The following ARHGEF17 variants were observed in gnomAD, a reference collection of about 807,000 sequenced individuals.
ARHGEF17 encodes 164 kDa Rho-specific guanine-nucleotide exchange factor.
ARHGEF17 carries 80 observed loss-of-function variants against 174.0 expected under a neutral mutation model. The ratio of observed to expected loss-of-function variants is 0.46; its 90% CI spans 0.38 to 0.55. The LOEUF is 0.55. Among genes scored for constraint, ARHGEF17 ranks in the 20% least tolerant of loss-of-function variants. ARHGEF17 has a pLI of 0.00. For synonymous variants in ARHGEF17, 1,311 were observed against 1,189.1 expected, an observed-to-expected ratio of 1.10 and a Z score of -2.11; for missense variants, 2,886 against 2,839.7, an observed-to-expected ratio of 1.02 and a Z score of -0.37.
chr11:73,347,183 G>A (rs927411881), intron 2 of ARHGEF17: 1 of 653,226 alleles, frequency 1.5e-6, no homozygotes, highest in South Asian at 1.6e-5. Flanking sequence ...GCCACCCCAG[G>A]GCAGGCGTCC....
At chr11:73,332,363 G>C (rs991691047) in intron 1 of ARHGEF17, among the ~76,000 whole-genome samples, 2 of 69,770 alleles carry the variant, frequency 2.9e-5, no homozygotes, top group Non-Finnish European at 5.7e-5. Flanking sequence ...GTGTGTGTGT[G>C]TGTGTGTGTG....
At chr11:73,326,254 C>A (rs775510152) in intron 1 of ARHGEF17, among the ~76,000 whole-genome samples, 2 of 152,146 alleles carry the variant, frequency 1.3e-5, no homozygotes, top group Non-Finnish European at 2.9e-5. Context: ...CCTTGACAGG[C>A]AGAAATGAGC....
At chr11:73,327,680 G>A (rs1865124228) in intron 1 of ARHGEF17, among the ~76,000 whole-genome samples, 1 of 152,180 alleles carries the variant, frequency 6.6e-6, no homozygotes, top group Non-Finnish European at 1.5e-5. Flanking sequence ...CGATGGGTTG[G>A]AGGAACTACT....
At chr11:73,363,066 C>T in intron 14 of ARHGEF17, 140 bp from the exon 15 acceptor site, 5 of 1,212,436 alleles carry the variant, frequency 4.1e-6, no homozygotes, top group East Asian at 5.1e-5. Context: ...AGCAGGGCAG[C>T]AGACCGGAGC....
At chr11:73,336,206 A>G (rs770140840) in intron 1 of ARHGEF17, among the ~76,000 whole-genome samples, 1 of 152,184 alleles carries the variant, frequency 6.6e-6, no homozygotes, top group Non-Finnish European at 1.5e-5. Context: ...TCATAACCTC[A>G]GGCAAGTTGC....
chr11:73,347,040 T>C (rs1428432075), intron 2 of ARHGEF17, 80 bp downstream of exon 2: 4 of 1,368,432 alleles, frequency 2.9e-6, no homozygotes. Flanking sequence ...CAAACCCCTT[T>C]CATGGACAAG....
chr11:73,314,787 T>C (rs773046921), intron 1 of ARHGEF17, among the ~76,000 whole-genome samples: 2 of 151,786 alleles, frequency 1.3e-5, no homozygotes, highest in African/African-American at 2.4e-5. Context: ...CACTGTAGCC[T>C]GGTTGGTCAA....
chr11:73,313,593 A>T lies in ARHGEF17; in HGVS notation c.3192+1763A>T, dbSNP rs992437640. On this transcript the variant is annotated intron_variant, in intron 1 of 20. Transcript: ENST00000263674. ...TTTCTGGAGCTCTGAGGCGGGACAG[A>T]TCTGCCATAACATGGGCTTCTCCCT... Among the ~76,000 whole-genome samples, 37 of 152,070 alleles carry T rather than the reference A, an allele frequency of 2.4e-4. 1 individual carries two copies. The highest frequency in any genetic ancestry group is 8.0e-4 in the African/African-American group (33 of 41,400).
At chr11:73,363,177 A>G (rs752873311) in intron 14 of ARHGEF17, 29 bp from the exon 15 acceptor site, 21 of 1,506,174 alleles carry the variant, frequency 1.4e-5, no homozygotes, top group Non-Finnish European at 1.9e-5. Flanking sequence ...GCAGAGGGAA[A>G]TGGAGACAGA....
chr11:73,365,353 C>A lies in ARHGEF17; in HGVS notation c.5551-37C>A, dbSNP rs1344681146. Reference sequence around the variant, plus strand: ...GCTAGGGTGGGCCAAGGGAGGCAGGCCTGCCAATGACCCATCTTCTCCCCC... The same window carrying A: ...GCTAGGGTGGGCCAAGGGAGGCAGGACTGCCAATGACCCATCTTCTCCCCC... On this transcript the variant is annotated intron_variant, in intron 18 of 20. Transcript: ENST00000263674. This position sits in a 1 kb window ranked among gnomAD's most constrained non-coding sequence, Gnocchi z 4.9. The A allele has an allele frequency of 6.2e-7, 1 of 1,610,378 alleles. No individual in the cohort carries two copies. Among genetic ancestry groups the A allele is most frequent in the Non-Finnish European group, 8.5e-7 (1 of 1,178,040 alleles).
At chr11:73,366,188 G>T (rs974617906) in intron 20 of ARHGEF17, among the ~76,000 whole-genome samples, 4 of 152,112 alleles carry the variant, frequency 2.6e-5, no homozygotes, top group Non-Finnish European at 4.4e-5. Flanking sequence ...CCAGAGAAAT[G>T]TCATGAGAGA....
chr11:73,318,329 C>T (rs973788961), intron 1 of ARHGEF17, among the ~76,000 whole-genome samples: 3 of 152,142 alleles, frequency 2.0e-5, no homozygotes, highest in Admixed American at 6.5e-5. Context: ...GATGTTGCAG[C>T]TGACGGGACA....
chr11:73,347,235 C>T (rs1162419374), intron 2 of ARHGEF17: 1 of 540,276 alleles, frequency 1.9e-6, no homozygotes. Context: ...AACCCTGACC[C>T]TGAACTTAGA....
At chr11:73,357,473 G>A (rs750053716) in intron 9 of ARHGEF17, 146 bp downstream of exon 9, 17 of 718,500 alleles carry the variant, frequency 2.4e-5, no homozygotes, top group Non-Finnish European at 3.9e-5. Context: ...AAGGGGGCTG[G>A]CATGAAGGAC....
chr11:73,347,559 C>T (rs937942000), intron 2 of ARHGEF17, among the ~76,000 whole-genome samples: 1 of 152,234 alleles, frequency 6.6e-6, no homozygotes, highest in Non-Finnish European at 1.5e-5. Flanking sequence ...ATTGCAAAGC[C>T]AAGTGAGGCC....
intron 2 of ARHGEF17, among the ~76,000 whole-genome samples, chr11:73,351,805 C>A (rs1393717459): frequency 6.6e-6 from 1 of 152,054 alleles, no homozygotes; most frequent in Non-Finnish European, 1.5e-5. Flanking sequence ...TGGTGGCGAA[C>A]TCCTGAGCTC....
At position 73,357,106 on chromosome 11, in the gene ARHGEF17, G is replaced by T. The variant is rs1865656245; in HGVS notation, c.3973G>T (p.Gly1325Cys). ...CTGCACCACTCTGAAGCGAAAGTCAGGCTCCCTGCGGCGCAGCTCCATGAG... is the reference window on the plus strand; with the variant it reads ...CTGCACCACTCTGAAGCGAAAGTCATGCTCCCTGCGGCGCAGCTCCATGAG... ...IVCTTLKRKS[G>C]SLRRSSMSLY... The change falls in exon 8 of 21, where the codon GGC becomes TGC. Residue 1325 changes from glycine to cysteine, a missense_variant. Coordinates refer to ENST00000263674, the MANE Select transcript of ARHGEF17 (RefSeq NM_014786.4). The T allele has an allele frequency of 6.2e-7, 1 of 1,614,066 alleles. No individual in the cohort carries two copies. Among genetic ancestry groups the T allele is most frequent in the African/African-American group, 1.3e-5 (1 of 74,942 alleles).
chr11:73,332,318 G>A (rs1865217849), intron 1 of ARHGEF17, among the ~76,000 whole-genome samples: 1 of 149,082 alleles, frequency 6.7e-6, no homozygotes, highest in Non-Finnish European at 1.5e-5. Context: ...CACTGTTAAT[G>A]TTCTGGTATA....
At chr11:73,318,237 G>C (rs1174018770) in intron 1 of ARHGEF17, among the ~76,000 whole-genome samples, 1 of 152,088 alleles carries the variant, frequency 6.6e-6, no homozygotes, top group African/African-American at 2.4e-5. Context: ...CCTGCTCTAG[G>C]ATCCCCCCCA....
Sources: gnomAD v4.1 joint callset for allele counts (sites outside exome capture counted in the v4.1 genomes callset) on GRCh38, gnomAD v4.1.1 for gene constraint, Gnocchi (gnomAD v3.1) non-coding constraint, MANE v1.5 for transcripts, NCBI Gene and HGNC (gene_info 2026-07-23, HGNC 2026-07-21) for gene names.